Variants in ANO2 observed in about 807,000 individuals in gnomAD.
The protein encoded by ANO2 is anoctamin-2.
ANO2 carries 101 observed loss-of-function variants against 124.2 expected under a neutral mutation model. The ratio of observed to expected loss-of-function variants is 0.81; its 90% CI spans 0.69 to 0.96. ANO2 has a LOEUF of 0.96. Among genes scored for constraint, ANO2 ranks in the 40% least tolerant of loss-of-function variants. ANO2 has a pLI of 0.00. For synonymous variants in ANO2, 486 were observed against 482.5 expected (o/e 1.01, Z -0.09); for missense variants, 1,293 against 1,274.5 (o/e 1.01, Z -0.22).
At chr12:5,933,489 G>T (rs1263258450) in intron 1 of ANO2, among the ~76,000 whole-genome samples, 1 of 152,202 alleles carries the variant, frequency 6.6e-6, no homozygotes, top group Non-Finnish European at 1.5e-5. Flanking sequence ...GAGAAGGATG[G>T]ATAAATGGAT....
chr12:5,755,775 T>C (rs934416076), intron 10 of ANO2, among the ~76,000 whole-genome samples: 1 of 152,188 alleles, frequency 6.6e-6, no homozygotes, highest in African/African-American at 2.4e-5. Context: ...ATGGTGTATA[T>C]GTGCCACATT....
intron 14 of ANO2, among the ~76,000 whole-genome samples, chr12:5,686,639 G>T (rs1464837767): frequency 6.6e-6 from 1 of 152,228 alleles, no homozygotes; most frequent in Non-Finnish European, 1.5e-5. Context: ...CTTTACTCTA[G>T]AGGCCACCAT....
chr12:5,613,105 T>C (rs1387622895), intron 17 of ANO2, 147 bp from the exon 18 acceptor site: 1 of 746,548 alleles, frequency 1.3e-6, no homozygotes, highest in Non-Finnish European at 2.3e-6. Context: ...GGGATAGGAG[T>C]GCACACTGTT....
chr12:5,704,881 C>T (rs1211599124), intron 14 of ANO2, among the ~76,000 whole-genome samples: 5 of 152,180 alleles, frequency 3.3e-5, no homozygotes, highest in African/African-American at 1.2e-4. Flanking sequence ...CTGAAAAATA[C>T]ATAGACCTTA....
chr12:5,901,362 A>G (rs1234220173), intron 3 of ANO2, among the ~76,000 whole-genome samples: 5 of 152,160 alleles, frequency 3.3e-5, no homozygotes, highest in Non-Finnish European at 5.9e-5. Context: ...CAACAAGAAC[A>G]AGGAAGGAAC....
intron 6 of ANO2, among the ~76,000 whole-genome samples, chr12:5,829,141 TG>T (rs1460102076): frequency 1.3e-5 from 2 of 152,216 alleles, no homozygotes; most frequent in Non-Finnish European, 2.9e-5. Context: ...TGTTTAATTC[TG>T]CTCCTAATAT....
intron 9 of ANO2, among the ~76,000 whole-genome samples, chr12:5,803,905 T>A (rs146790371): frequency 2.6e-5 from 4 of 152,270 alleles, no homozygotes; most frequent in South Asian, 2.1e-4. Context: ...CTGCCTGCAA[T>A]GAGCCTGGGC....
intron 21 of ANO2, 36 bp downstream of exon 21, chr12:5,578,330 G>T: frequency 6.2e-7 from 1 of 1,602,074 alleles, no homozygotes; most frequent in Non-Finnish European, 8.5e-7. Flanking sequence ...ATGGCAGAAG[G>T]ATGGGCCTGG....
At position 5,893,070 on chromosome 12, in the gene ANO2, G is replaced by A. The variant is rs192323292; in HGVS notation, c.534+27970C>T. Among the ~76,000 whole-genome samples, 827 of 152,140 alleles carry A rather than the reference G, an allele frequency of 5.4e-3. 6 individuals are homozygous for A. The highest frequency in any genetic ancestry group is 0.019 in the African/African-American group (803 of 41,540). On this transcript the variant is annotated intron_variant, in intron 3 of 24. Coordinates refer to ENST00000682330, the MANE Select transcript of ANO2 (RefSeq NM_001364791.2). ...AATATTTATTCTAAGTAGACTGAAA[G>A]AAAACAAGTATATCCAAAAATCAAC...
intron 3 of ANO2, among the ~76,000 whole-genome samples, chr12:5,889,736 A>G (rs546266894): frequency 1.3e-5 from 2 of 152,364 alleles, no homozygotes; most frequent in East Asian, 3.9e-4. Context: ...TCTCAGGTAG[A>G]GGGGAAATGA....
At chr12:5,699,715 C>T (rs1005453024) in intron 14 of ANO2, among the ~76,000 whole-genome samples, 7 of 152,080 alleles carry the variant, frequency 4.6e-5, no homozygotes, top group Admixed American at 3.9e-4. Context: ...CAGAGACACA[C>T]CTAGGCTCAA....
chr12:5,795,196 G>C (rs778027913), intron 10 of ANO2, among the ~76,000 whole-genome samples: 18 of 152,200 alleles, frequency 1.2e-4, no homozygotes, highest in Non-Finnish European at 2.4e-4. Flanking sequence ...GGCTGGTAGA[G>C]ATGTGTAGCA....
chr12:5,591,538 C>T (rs1457403535), intron 20 of ANO2, among the ~76,000 whole-genome samples: 1 of 152,072 alleles, frequency 6.6e-6, no homozygotes, highest in East Asian at 1.9e-4. Context: ...TTTAGTAGGT[C>T]CAGACTTTTA....
chr12:5,873,196 GCTCT>G (rs57038931), intron 3 of ANO2, among the ~76,000 whole-genome samples: 3,056 of 118,860 alleles, frequency 0.026, 53 homozygotes, highest in African/African-American at 0.052. Flanking sequence ...GCCTAAAGCA[GCTCT>G]CTCTCTCTCT....
At chr12:5,942,230 T>G (rs914515064) in intron 1 of ANO2, among the ~76,000 whole-genome samples, 14 of 152,230 alleles carry the variant, frequency 9.2e-5, no homozygotes, top group African/African-American at 3.4e-4. Flanking sequence ...TAATTAGTTA[T>G]GATATAAATT....
At chr12:5,641,875 G>A (rs1270000849) in intron 15 of ANO2, among the ~76,000 whole-genome samples, 1 of 152,146 alleles carries the variant, frequency 6.6e-6, no homozygotes, top group African/African-American at 2.4e-5. Flanking sequence ...CTAGCTTTAG[G>A]AGGTATCAAT....
intron 16 of ANO2, among the ~76,000 whole-genome samples, chr12:5,624,130 T>C (rs1945268073): frequency 6.6e-6 from 1 of 152,060 alleles, no homozygotes; most frequent in Non-Finnish European, 1.5e-5. Context: ...CTTGCCCCTA[T>C]GCAAAGGAGC....
intron 11 of ANO2, among the ~76,000 whole-genome samples, chr12:5,745,341 T>C (rs983015730): frequency 1.3e-5 from 2 of 152,134 alleles, no homozygotes; most frequent in Admixed American, 6.5e-5. Context: ...GAACTTAAGA[T>C]TTCACGAAAG....
At chr12:5,928,035 C>T (rs1942167189) in intron 1 of ANO2, among the ~76,000 whole-genome samples, 1 of 152,068 alleles carries the variant, frequency 6.6e-6, no homozygotes, top group Admixed American at 6.5e-5. Flanking sequence ...CAAGACAGGG[C>T]CAGATTGTGC....
Sources: allele counts gnomAD v4.1 joint callset (sites outside exome capture counted in the v4.1 genomes callset), GRCh38; gene constraint gnomAD v4.1.1; transcripts MANE v1.5; gene names NCBI Gene and HGNC (gene_info 2026-07-23, HGNC 2026-07-21).